BBS5: variants seen among roughly 807,000 people sequenced by gnomAD.
BBS5 encodes Bardet-Biedl syndrome 5, also known as BBSome complex member BBS5.
Under a neutral mutation model 50.2 loss-of-function variants are expected in BBS5, and 39 were observed. The observed-to-expected ratio is 0.78, with a 90% CI of 0.60 to 1.01. The LOEUF is 1.01. Ranked by LOEUF, BBS5 falls within the 50% of genes least tolerant of loss-of-function variation. BBS5 has a pLI of 0.00. For synonymous variants in BBS5, 134 were observed against 133.1 expected (o/e 1.01, Z -0.05); for missense variants, 356 against 401.5 (o/e 0.89, Z 0.97).
intron 2 of BBS5, among the ~76,000 whole-genome samples, chr2:169,482,927 A>G (rs928018564): frequency 1.3e-5 from 2 of 152,180 alleles, no homozygotes; most frequent in African/African-American, 4.8e-5. Context: ...CAGGCTGCCC[A>G]TAGCAGCTAT....
At chr2:169,500,690 C>A (rs866805068) in intron 9 of BBS5, among the ~76,000 whole-genome samples, 3 of 152,168 alleles carry the variant, frequency 2.0e-5, no homozygotes, top group Non-Finnish European at 4.4e-5. Context: ...GGTAGTGCTC[C>A]TTGTACTTAA....
intron 8 of BBS5, chr2:169,499,138 A>C: frequency 4.0e-6 from 1 of 252,262 alleles, no homozygotes; most frequent in Non-Finnish European, 7.7e-6. Flanking sequence ...TATTTTTTAA[A>C]TCTTGAAAGG....
chr2:169,494,414 C>G (rs1164985646), intron 7 of BBS5, among the ~76,000 whole-genome samples: 2 of 151,986 alleles, frequency 1.3e-5, no homozygotes, highest in African/African-American at 4.8e-5. Context: ...AGCTTAAGTT[C>G]AATTAAAACT....
At chr2:169,487,647 T>C (rs1352578509) in intron 3 of BBS5, 159 bp from the exon 4 acceptor site, 1 of 507,940 alleles carries the variant, frequency 2.0e-6, no homozygotes, top group East Asian at 3.3e-5. Flanking sequence ...TTTAATTATT[T>C]AATTTATAGT....
At chr2:169,496,486 A>T (rs921200115) in intron 7 of BBS5, among the ~76,000 whole-genome samples, 1 of 152,216 alleles carries the variant, frequency 6.6e-6, no homozygotes, top group African/African-American at 2.4e-5. Flanking sequence ...CTGTAATCCC[A>T]GCACTTTGGG....
chr2:169,501,727 T>G (rs1683807196), intron 9 of BBS5, among the ~76,000 whole-genome samples: 1 of 152,096 alleles, frequency 6.6e-6, no homozygotes, highest in Non-Finnish European at 1.5e-5. Flanking sequence ...ATGACCTATC[T>G]CTTAAAGCAA....
rs879234042 is a variant in BBS5 at position 169,506,101 on chromosome 2, G to T, written c.*1519G>T. On this transcript the variant is annotated 3_prime_UTR_variant, in exon 12 of 12. Transcript: ENST00000295240. ...TGGGAAGTGAGGAGCCCCTCTGCCC[G>T]GCCAGCCGCCCCGTCCAGGAGGGAG... 1 of 146,860 alleles carries T rather than the reference G, an allele frequency of 6.8e-6. No homozygotes were observed. The highest frequency in any genetic ancestry group is 1.5e-5 in the Non-Finnish European group (1 of 67,268). 9.1% of individuals were successfully genotyped at this position (146,860 alleles called of 1,614,324 possible).
chr2:169,493,459 T>C (rs532020625), intron 6 of BBS5, among the ~76,000 whole-genome samples: 9 of 152,332 alleles, frequency 5.9e-5, no homozygotes, highest in African/African-American at 2.2e-4. Context: ...TTACATGGGA[T>C]ATTTAATCAG....
In BBS5 at chr2:169,504,380, A is replaced by G. The variant is rs186744949; in HGVS notation, c.924+54A>G. On this transcript the variant is annotated intron_variant, in intron 11 of 11. Coordinates refer to ENST00000295240, the MANE Select transcript of BBS5 (RefSeq NM_152384.3). ...ATGAAAAAAGTTTCTAAATTCCAAC[A>G]TTTAGCATTCACAAACTTATGTGAA... The G allele has an allele frequency of 1.6e-5, 25 of 1,597,920 alleles. No individual in the cohort carries two copies. In the African/African-American group the frequency reaches 3.1e-4, roughly 20 times the overall value.
Position 169,479,514 on chromosome 2 carries a change from G to C in BBS5, c.-40G>C, listed in dbSNP as rs1879466. 0.91 allele frequency: 1,469,688 copies of C among 1,612,696 alleles called. 670,282 individuals carry two copies. Among genetic ancestry groups the C allele is most frequent in the East Asian group, 0.98 (44,108 of 44,832 alleles). ...GAGCCAGAGAGACGCAGCTAGGCCT[G>C]CACGGCTGTGGAGAGATCCTGCCAC... On this transcript the variant is annotated 5_prime_UTR_variant, in exon 1 of 12. Transcript: ENST00000295240.
intron 7 of BBS5, among the ~76,000 whole-genome samples, chr2:169,496,591 C>T (rs1231495015): frequency 6.7e-6 from 1 of 149,334 alleles, no homozygotes; most frequent in Admixed American, 6.7e-5. Context: ...AAAAATTGGC[C>T]GGGCGCGGTG....
chr2:169,480,670 CTTTTTTTT>C (rs577688589), intron 1 of BBS5, among the ~76,000 whole-genome samples: 4 of 73,200 alleles, frequency 5.5e-5, no homozygotes, highest in African/African-American at 1.6e-4. Flanking sequence ...TTCTGTCATT[CTTTTTTTT>C]TTTTTTTTTT....
intron 3 of BBS5, 133 bp from the exon 4 acceptor site, chr2:169,487,673 T>C: frequency 1.7e-6 from 1 of 595,356 alleles, no homozygotes; most frequent in Non-Finnish European, 2.9e-6. Context: ...CTTTAAAACT[T>C]TTAAAAGTTT....
At chr2:169,491,645 T>C (rs1683603246) in intron 5 of BBS5, among the ~76,000 whole-genome samples, 2 of 151,916 alleles carry the variant, frequency 1.3e-5, no homozygotes, top group African/African-American at 4.8e-5. Flanking sequence ...CCCTGTCCTT[T>C]TTCCTCCCTC....
chr2:169,489,851 C>CTTTTTTTTTTTTTTTTTT lies in BBS5; in HGVS notation c.386+1761_386+1778dup, dbSNP rs71003093. ...TATTTTTTGGCTTCTCATAAATTTC[C>CTTTTTTTTTTTTTTTTTT]TTTTTTTTTTTTTTTTTTTTTTTTT... On this transcript the variant is annotated intron_variant, in intron 5 of 11. Coordinates refer to ENST00000295240, the MANE Select transcript of BBS5 (RefSeq NM_152384.3). 1.5e-4 allele frequency among the ~76,000 whole-genome samples: 10 copies of CTTTTTTTTTTTTTTTTTT among 65,902 alleles called. 1 individual carries two copies. Among genetic ancestry groups the CTTTTTTTTTTTTTTTTTT allele is most frequent in the Admixed American group, 3.3e-4 (2 of 6,040 alleles). 43.2% of individuals were successfully genotyped at this position (65,902 alleles called of 152,430 possible).
chr2:169,504,326 G>T lies in BBS5; in HGVS notation c.924G>T (p.Lys308Asn), dbSNP rs1301450659. Residue 308 changes from lysine to asparagine, a missense_variant and splice_region_variant, in exon 11 of 12, where the codon AAG becomes AAT. By Grantham distance (94) the Lys-to-Asn change is moderately conservative. Coordinates refer to ENST00000295240, the MANE Select transcript of BBS5 (RefSeq NM_152384.3). ...AFVAYFADGNKQQDREPVFSE... is the reference protein window; with the variant it reads ...AFVAYFADGNNQQDREPVFSE... ...AGGCTTATTTTGCTGATGGCAATAA[G>T]GTAAGGACATTTATTTTACCTACAG... is the stretch of plus-strand genomic sequence containing the variant. 1.9e-6 allele frequency: 3 copies of T among 1,612,864 alleles called. No individual in the cohort carries two copies. Among genetic ancestry groups the T allele is most frequent in the Non-Finnish European group, 2.5e-6 (3 of 1,178,948 alleles).
At position 169,505,525 on chromosome 2, in the gene BBS5, C is replaced by G. The variant is rs1369334495; in HGVS notation, c.*943C>G. 1 of 276,386 alleles carries G rather than the reference C, an allele frequency of 3.6e-6. No homozygotes were observed. The highest frequency in any genetic ancestry group is 2.3e-5 in the African/African-American group (1 of 42,696). 17.1% of individuals were successfully genotyped at this position (276,386 alleles called of 1,614,324 possible). ...AGGAAGTGAGGAGCGCCTCTTCCCACCCGCCATCCCATCTAGGAAGTGAGG... is the reference window on the plus strand; with the variant it reads ...AGGAAGTGAGGAGCGCCTCTTCCCAGCCGCCATCCCATCTAGGAAGTGAGG... On this transcript the variant is annotated 3_prime_UTR_variant, in exon 12 of 12. Coordinates refer to ENST00000295240, the MANE Select transcript of BBS5 (RefSeq NM_152384.3).
At position 169,491,100 on chromosome 2, in the gene BBS5, C is replaced by G. The variant is rs187107565; in HGVS notation, c.387-1774C>G. Among the ~76,000 whole-genome samples, 1,151 of 152,176 alleles carry G rather than the reference C, an allele frequency of 7.6e-3. 17 individuals are homozygous for G. Among genetic ancestry groups the G allele is most frequent in the Non-Finnish European group, 6.2e-3 (419 of 68,002 alleles). ...ACATTTGGGTTTTTTACTTTTTAGC[C>G]ATTATGAATAATGTTACTATGAACA... is the stretch of plus-strand genomic sequence containing the variant. On this transcript the variant is annotated intron_variant, in intron 5 of 11. Coordinates refer to ENST00000295240, the MANE Select transcript of BBS5 (RefSeq NM_152384.3).
chr2:169,490,144 G>A (rs1432825881), intron 5 of BBS5, among the ~76,000 whole-genome samples: 1 of 149,494 alleles, frequency 6.7e-6, no homozygotes, highest in Non-Finnish European at 1.5e-5. Flanking sequence ...CAAAGGGCCG[G>A]GATTACAGGT....
Sources: allele counts gnomAD v4.1 joint callset (sites outside exome capture counted in the v4.1 genomes callset), GRCh38; gene constraint gnomAD v4.1.1; transcripts MANE v1.5; gene names NCBI Gene and HGNC (gene_info 2026-07-23, HGNC 2026-07-21).